The following ADGRV1 variants were observed in gnomAD, a reference collection of about 807,000 sequenced individuals.
ADGRV1 encodes G-protein coupled receptor 98.
In ADGRV1, 359 loss-of-function variants were observed where a neutral mutation model predicts 596.2. The ratio of observed to expected loss-of-function variants is 0.60; its 90% CI spans 0.55 to 0.66. The LOEUF is 0.66. ADGRV1 is among the 30% of genes least tolerant of loss of function. The probability of loss-of-function intolerance (pLI) is 0.00; values close to 1 mark genes in which losing one functional copy is unlikely to be tolerated. For synonymous variants in ADGRV1, 2,681 were observed against 2,679.2 expected (o/e 1.00, Z -0.02); for missense variants, 7,274 against 7,575.6 (o/e 0.96, Z 1.48).
At chr5:90,874,359 G>A (rs1167238984) in intron 83 of ADGRV1, among the ~76,000 whole-genome samples, 1 of 152,156 alleles carries the variant, frequency 6.6e-6, no homozygotes, top group Non-Finnish European at 1.5e-5. Context: ...TCCGCAAGAA[G>A]ACCCACCCCT....
chr5:90,756,935 G>C (rs752580058), intron 56 of ADGRV1, 44 bp from the exon 57 acceptor site: 15 of 1,418,452 alleles, frequency 1.1e-5, no homozygotes, highest in Non-Finnish European at 1.4e-5. Flanking sequence ...ACTTATGAGA[G>C]TTACCATTTT....
intron 61 of ADGRV1, among the ~76,000 whole-genome samples, 163 bp from the exon 62 acceptor site, chr5:90,777,742 C>A (rs544965170): frequency 6.6e-6 from 1 of 152,226 alleles, no homozygotes; most frequent in South Asian, 2.1e-4. Flanking sequence ...TATCTTGGAA[C>A]TTTAAGACTT....
chr5:90,869,691 A>C (rs184808593), intron 83 of ADGRV1, among the ~76,000 whole-genome samples: 1 of 152,308 alleles, frequency 6.6e-6, no homozygotes, highest in Non-Finnish European at 1.5e-5. Context: ...CTTTAAATCA[A>C]TAAAAAAGCC....
chr5:91,125,851 T>C (rs532348491), intron 87 of ADGRV1, among the ~76,000 whole-genome samples: 1 of 152,368 alleles, frequency 6.6e-6, no homozygotes, highest in South Asian at 2.1e-4. Context: ...ATTATGTTCA[T>C]ATTTGATACA....
chr5:90,831,246 TACAC>T (rs1177623705), intron 77 of ADGRV1, among the ~76,000 whole-genome samples: 6 of 150,864 alleles, frequency 4.0e-5, no homozygotes, highest in African/African-American at 1.2e-4. Flanking sequence ...TATATATATA[TACAC>T]ACACACACAT....
At position 90,811,307 on chromosome 5, in the gene ADGRV1, ATT is replaced by A; in HGVS notation, c.16049_16050del (p.Phe5350CysfsTer12). The stretch of plus-strand genomic sequence containing the variant: ...TTGTGGAGGAGAAGGATGATACTGG[ATT>A]TGCAGCTTTTGCCATGGTTATTATT... ...QIVEEKDDTG[F>X]AAFAMVIITG... On this transcript the variant is annotated frameshift_variant, in exon 74 of 90. Transcript: ENST00000405460. LOFTEE classifies it high-confidence loss of function. 2 of 1,608,230 alleles carry A rather than the reference ATT, an allele frequency of 1.2e-6. No individual in the cohort carries two copies. Among genetic ancestry groups the A allele is most frequent in the Non-Finnish European group, 1.7e-6 (2 of 1,177,246 alleles).
intron 79 of ADGRV1, among the ~76,000 whole-genome samples, chr5:90,851,316 G>A (rs775189685): frequency 6.6e-5 from 10 of 151,994 alleles, no homozygotes; most frequent in Admixed American, 1.3e-4. Flanking sequence ...CAGGGACATG[G>A]GAGGGTGGTA....
chr5:91,102,856 A>G (rs73189003), intron 87 of ADGRV1, among the ~76,000 whole-genome samples: 4,051 of 152,302 alleles, frequency 0.027, 60 homozygotes, highest in African/African-American at 0.032. Flanking sequence ...GCATGCTTGG[A>G]TAACTAGAAA....
chr5:91,120,532 AT>A (rs937484434), intron 87 of ADGRV1, among the ~76,000 whole-genome samples: 18 of 149,746 alleles, frequency 1.2e-4, no homozygotes, highest in Admixed American at 6.0e-4. Context: ...TACACTGAAC[AT>A]TTTTTTTTTC....
chr5:90,614,933 T>A lies in ADGRV1; in HGVS notation c.121T>A (p.Phe41Ile), dbSNP rs1763175583. The A allele has an allele frequency of 6.9e-6, 11 of 1,601,088 alleles. No individual in the cohort carries two copies. Among genetic ancestry groups the A allele is most frequent in the Non-Finnish European group, 9.4e-6 (11 of 1,172,272 alleles). Residue 41 changes from phenylalanine (F) to isoleucine (I), a missense_variant, in exon 2 of 90, where the codon TTT becomes ATT. By Grantham distance (21) the Phe-to-Ile change is conservative. This residue lies in a region of ADGRV1 where 1,715 missense variants were observed against 1,708.8 expected (regional missense o/e 1.00). Transcript: ENST00000405460. ...AATAAGATTTACTGGACAAACTGAA[T>A]TTGTTGTTAATGAAACAAGTACAAC... ...TEIRFTGQTE[F>I]VVNETSTTVI...
chr5:90,981,511 C>A (rs888494307), intron 84 of ADGRV1, among the ~76,000 whole-genome samples: 2 of 152,078 alleles, frequency 1.3e-5, no homozygotes, highest in African/African-American at 2.4e-5. Flanking sequence ...TGGGTTTCCT[C>A]CCACATCCTA....
intron 1 of ADGRV1, among the ~76,000 whole-genome samples, chr5:90,563,123 T>G (rs1447509408): frequency 6.6e-6 from 1 of 152,044 alleles, no homozygotes; most frequent in African/African-American, 2.4e-5. Context: ...AAGAGCTACC[T>G]TTATGAATAG....
At chr5:90,719,178 A>G (rs990335040) in intron 43 of ADGRV1, among the ~76,000 whole-genome samples, 1 of 152,022 alleles carries the variant, frequency 6.6e-6, no homozygotes, top group Non-Finnish European at 1.5e-5. Flanking sequence ...AAAAATACAA[A>G]AACTAGCTGG....
At chr5:90,618,886 AC>A (rs1467119854) in intron 3 of ADGRV1, among the ~76,000 whole-genome samples, 199 bp from the exon 4 acceptor site, 1 of 151,964 alleles carries the variant, frequency 6.6e-6, no homozygotes, top group African/African-American at 2.4e-5. Context: ...GGTTTTCAAA[AC>A]TTTTTTGAAA....
intron 73 of ADGRV1, among the ~76,000 whole-genome samples, chr5:90,808,466 T>C (rs1762115729): frequency 6.6e-6 from 1 of 152,250 alleles, no homozygotes; most frequent in African/African-American, 2.4e-5. Flanking sequence ...CATGTTTATG[T>C]GTGGGGGATC....
At chr5:90,659,638 C>T (rs762636401) in intron 21 of ADGRV1, among the ~76,000 whole-genome samples, 1 of 152,110 alleles carries the variant, frequency 6.6e-6, no homozygotes, top group Non-Finnish European at 1.5e-5. Context: ...AGGAAAAATA[C>T]CCATAATTAT....
At chr5:91,104,939 A>G (rs1487793834) in intron 87 of ADGRV1, among the ~76,000 whole-genome samples, 4 of 146,888 alleles carry the variant, frequency 2.7e-5, no homozygotes, top group Non-Finnish European at 6.0e-5. Context: ...AGCTCACTGC[A>G]ACCTCCACTT....
At chr5:91,119,365 G>A (rs570680594) in intron 87 of ADGRV1, among the ~76,000 whole-genome samples, 24 of 152,156 alleles carry the variant, frequency 1.6e-4, no homozygotes, top group Non-Finnish European at 2.6e-4. Flanking sequence ...AGAGCTGTGC[G>A]AAGAAGAAAA....
chr5:91,111,006 A>G (rs1201461951), intron 87 of ADGRV1, among the ~76,000 whole-genome samples: 3 of 152,174 alleles, frequency 2.0e-5, no homozygotes, highest in Admixed American at 1.3e-4. Flanking sequence ...AGCTAAAAAT[A>G]TATAGTCCAT....
Sources: allele counts gnomAD v4.1 joint callset (sites outside exome capture counted in the v4.1 genomes callset), GRCh38; gene constraint gnomAD v4.1.1; regional missense constraint gnomAD v4.1.1; transcripts MANE v1.5; gene names NCBI Gene and HGNC (gene_info 2026-07-23, HGNC 2026-07-21).